LRGUK: variants seen among roughly 807,000 people sequenced by gnomAD.
LRGUK encodes leucine rich repeats and guanylate kinase domain containing, also known as leucine-rich repeat and guanylate kinase domain-containing protein.
LRGUK carries 65 observed loss-of-function variants against 76.0 expected under a neutral mutation model. The ratio of observed to expected loss-of-function variants is 0.85; its 90% CI spans 0.70 to 1.05. LRGUK has a LOEUF of 1.05. LRGUK is among the 50% of genes least tolerant of loss of function. LRGUK has a pLI of 0.00. For synonymous variants in LRGUK, 268 were observed against 265.6 expected (o/e 1.01, Z -0.09); for missense variants, 758 against 732.8 (o/e 1.03, Z -0.40).
chr7:134,142,201 G>A (rs1056763233), intron 3 of LRGUK, among the ~76,000 whole-genome samples: 1 of 152,132 alleles, frequency 6.6e-6, no homozygotes, highest in African/African-American at 2.4e-5. Context: ...TCTAGAACGA[G>A]GAGAGAGAGG....
exon 16 of LRGUK, chr7:134,208,745 G>A (rs1801109499): frequency 2.5e-6 from 1 of 398,918 alleles, no homozygotes; most frequent in Admixed American, 4.4e-5. Flanking sequence ...TGGGGTGCCA[G>A]CACACCTGGT....
intron 18 of LRGUK, among the ~76,000 whole-genome samples, chr7:134,252,572 C>T (rs994974957): frequency 6.6e-6 from 1 of 152,102 alleles, no homozygotes; most frequent in African/African-American, 2.4e-5. Context: ...AGTGCCCCAT[C>T]CCAGAATACC....
chr7:134,205,737 G>A (rs1800978758), intron 15 of LRGUK, among the ~76,000 whole-genome samples: 1 of 152,100 alleles, frequency 6.6e-6, no homozygotes, highest in Non-Finnish European at 1.5e-5. Flanking sequence ...GATTCGAGAA[G>A]TAATTTTGAG....
At chr7:134,170,858 G>T (rs1185442664) in intron 7 of LRGUK, among the ~76,000 whole-genome samples, 2 of 152,086 alleles carry the variant, frequency 1.3e-5, no homozygotes, top group African/African-American at 4.8e-5. Context: ...CACTGATACA[G>T]AAATACTTTC....
intron 11 of LRGUK, among the ~76,000 whole-genome samples, chr7:134,185,794 T>A (rs1799959590): frequency 6.6e-6 from 1 of 152,230 alleles, no homozygotes; most frequent in South Asian, 2.1e-4. Flanking sequence ...AAACACTATT[T>A]CAAACAGGTC....
At chr7:134,168,585 G>C (rs1799098698) in intron 7 of LRGUK, among the ~76,000 whole-genome samples, 1 of 152,140 alleles carries the variant, frequency 6.6e-6, no homozygotes, top group South Asian at 2.1e-4. Flanking sequence ...GGCTTGAGCT[G>C]AGAGGACAAG....
chr7:134,245,159 C>T (rs912911643), intron 16 of LRGUK, among the ~76,000 whole-genome samples: 1 of 152,130 alleles, frequency 6.6e-6, no homozygotes, highest in South Asian at 2.1e-4. Flanking sequence ...ACGTTGTGCA[C>T]ATGTACCCTA....
intron 7 of LRGUK, 70 bp from the exon 8 acceptor site, chr7:134,174,486 C>CT (rs1461475620): frequency 2.1e-6 from 2 of 965,362 alleles, no homozygotes; most frequent in Non-Finnish European, 3.3e-6. Context: ...AAACTGGCTT[C>CT]TATTGTATTA....
rs932316445 is a variant in LRGUK at position 134,245,664 on chromosome 7, A to G, written c.1984-1892A>G. ...CACTACCACTGTCATCTTCTCAGTTATAATAAAATATAAATTAAGCATAAA... is the reference window on the plus strand; with the variant it reads ...CACTACCACTGTCATCTTCTCAGTTGTAATAAAATATAAATTAAGCATAAA... On this transcript the variant is annotated intron_variant, in intron 16 of 19. Transcript: ENST00000285928. 2.6e-5 allele frequency among the ~76,000 whole-genome samples: 4 copies of G among 152,186 alleles called. 1 individual carries two copies. Among genetic ancestry groups the G allele is most frequent in the Non-Finnish European group, 4.4e-5 (3 of 68,042 alleles).
At chr7:134,142,116 TC>T (rs1797791101) in intron 3 of LRGUK, among the ~76,000 whole-genome samples, 2 of 152,032 alleles carry the variant, frequency 1.3e-5, no homozygotes, top group Non-Finnish European at 2.9e-5. Flanking sequence ...TCGCTTGGCT[TC>T]GGGTGAGGAG....
At chr7:134,245,092 G>A (rs996674596) in intron 16 of LRGUK, among the ~76,000 whole-genome samples, 1 of 152,052 alleles carries the variant, frequency 6.6e-6, no homozygotes, top group Non-Finnish European at 1.5e-5. Flanking sequence ...TGTAAATGAC[G>A]AGTTAATGGG....
At chr7:134,247,535 C>T (rs1421927326) in intron 16 of LRGUK, 21 bp from the exon 17 acceptor site, 2 of 1,566,956 alleles carry the variant, frequency 1.3e-6, no homozygotes, top group African/African-American at 2.7e-5. Flanking sequence ...ATGCAATTTT[C>T]TAATGACATT....
chr7:134,135,572 G>A (rs1797489485), intron 1 of LRGUK, among the ~76,000 whole-genome samples: 1 of 152,126 alleles, frequency 6.6e-6, no homozygotes, highest in African/African-American at 2.4e-5. Context: ...AAACTACCAG[G>A]CTCAGTGAAA....
intron 15 of LRGUK, among the ~76,000 whole-genome samples, chr7:134,207,612 C>T (rs947270554): frequency 2.6e-5 from 4 of 152,138 alleles, no homozygotes; most frequent in Non-Finnish European, 5.9e-5. Context: ...CAGTGAGAAC[C>T]CAGCAGTGCA....
chr7:134,137,058 G>T, exon 2 of LRGUK: 1 of 1,613,590 alleles, frequency 6.2e-7, no homozygotes, highest in Non-Finnish European at 8.5e-7. Context: ...AGGAGGCTGT[G>T]GCCAAAGCAC....
chr7:134,197,157 GTGTGTGTGTA>G (rs758220735), intron 13 of LRGUK, 52 bp downstream of exon 13: 3 of 1,050,084 alleles, frequency 2.9e-6, no homozygotes, highest in Non-Finnish European at 1.4e-6. Flanking sequence ...TGTGAGTGTG[GTGTGTGTGTA>G]TGTGTGTGTG....
chr7:134,235,178 G>A, intron 16 of LRGUK, among the ~76,000 whole-genome samples: 1 of 152,168 alleles, frequency 6.6e-6, no homozygotes, highest in East Asian at 1.9e-4. Context: ...ACCTGCAATT[G>A]CTTCCATGTT....
chr7:134,263,586 T>C (rs977815612), intron 19 of LRGUK, among the ~76,000 whole-genome samples: 23 of 151,124 alleles, frequency 1.5e-4, no homozygotes, highest in Non-Finnish European at 3.1e-4. Flanking sequence ...TATTCTGACC[T>C]CATCCACTAT....
chr7:134,132,972 AG>A (rs1246530954), intron 1 of LRGUK, among the ~76,000 whole-genome samples: 4 of 152,214 alleles, frequency 2.6e-5, no homozygotes, highest in African/African-American at 9.6e-5. Context: ...CTAGTCAAGA[AG>A]GGGAGTTGAA....
Sources: gnomAD v4.1 joint callset for allele counts (sites outside exome capture counted in the v4.1 genomes callset) on GRCh38, gnomAD v4.1.1 for gene constraint, MANE v1.5 for transcripts, NCBI Gene and HGNC (gene_info 2026-07-23, HGNC 2026-07-21) for gene names.